DOCK11: variants seen among roughly 807,000 people sequenced by gnomAD.
The protein encoded by DOCK11 is dedicator of cytokinesis 11.
In DOCK11, 70 loss-of-function variants were observed where a neutral mutation model predicts 169.1. That is an observed-to-expected ratio of 0.41 (90% CI 0.34 to 0.51). The LOEUF (loss-of-function observed/expected upper bound fraction) is 0.51. Among genes scored for constraint, DOCK11 ranks in the 20% least tolerant of loss-of-function variants. The pLI is 0.10. For synonymous variants in DOCK11, 529 were observed against 541.3 expected, an observed-to-expected ratio of 0.98 and a Z score of 0.32; for missense variants, 1,166 against 1,538.8, an observed-to-expected ratio of 0.76 and a Z score of 4.05.
chrX:118,643,640 A>G, intron 40 of DOCK11, 46 bp downstream of exon 40: 1 of 1,187,379 alleles, frequency 8.4e-7, no homozygotes, highest in Non-Finnish European at 1.1e-6. Flanking sequence ...TCTTCATTGC[A>G]AAAAGGAAAG....
intron 14 of DOCK11, among the ~76,000 whole-genome samples, chrX:118,581,239 CTTTT>C (rs2147405676): frequency 9.0e-6 from 1 of 111,005 alleles, no homozygotes; most frequent in South Asian, 3.8e-4. Flanking sequence ...TTAATTAACT[CTTTT>C]ATTTGTCACT....
At chrX:118,662,430 A>C (rs1467481390) in intron 44 of DOCK11, among the ~76,000 whole-genome samples, 2 of 112,533 alleles carry the variant, frequency 1.8e-5, no homozygotes, top group African/African-American at 6.5e-5. Context: ...TATCCTAGCC[A>C]TTGAAGATGA....
intron 6 of DOCK11, 94 bp from the exon 7 acceptor site, chrX:118,561,289 G>C (rs1241619315): frequency 1.1e-6 from 1 of 883,675 alleles, no homozygotes; most frequent in Non-Finnish European, 1.5e-6. Context: ...AGGCACAATT[G>C]CCTGGCAAGC....
rs1439441148 is a variant in DOCK11, at chrX:118,544,644, G to GTT, written c.393-679_393-678insTT. On this transcript the variant is annotated intron_variant, in intron 4 of 52. Coordinates refer to ENST00000276202, the MANE Select transcript of DOCK11 (RefSeq NM_144658.4). ...ATGCAAGAGCCAGAATTACACTGTTGCTTTTTTTTTTTTTTTTTTTTTTTT... is the reference window on the plus strand; with the variant it reads ...ATGCAAGAGCCAGAATTACACTGTTGTTCTTTTTTTTTTTTTTTTTTTTTTTT... 9.0e-4 allele frequency among the ~76,000 whole-genome samples: 41 copies of GTT among 45,739 alleles called. 1 individual carries two copies. The South Asian group carries it at 0.017, about 18-fold the overall frequency. 39.7% of individuals were successfully genotyped at this position (45,739 alleles called of 115,157 possible).
intron 45 of DOCK11, among the ~76,000 whole-genome samples, chrX:118,667,480 G>A (rs1198745010): frequency 1.9e-5 from 2 of 106,567 alleles, no homozygotes; most frequent in Non-Finnish European, 3.9e-5. Flanking sequence ...CTTTTGTCAC[G>A]TTGAATTTAC....
chrX:118,571,673 G>T (rs1466412465), intron 10 of DOCK11, among the ~76,000 whole-genome samples: 1 of 111,965 alleles, frequency 8.9e-6, no homozygotes, highest in African/African-American at 3.2e-5. Flanking sequence ...GCTCAAAAAC[G>T]AAACCAAATT....
chrX:118,657,548 C>T (rs760285863), intron 44 of DOCK11, among the ~76,000 whole-genome samples: 1 of 111,797 alleles, frequency 8.9e-6, no homozygotes, highest in Admixed American at 9.5e-5. Flanking sequence ...AATTAGAAAA[C>T]CTTATTCTAA....
intron 40 of DOCK11, among the ~76,000 whole-genome samples, chrX:118,646,525 C>T (rs1178917985): frequency 1.8e-5 from 2 of 111,113 alleles, no homozygotes; most frequent in African/African-American, 3.3e-5. Context: ...ATGACGTATA[C>T]GGAGTAGTCA....
At chrX:118,542,684 T>G (rs766538197) in intron 1 of DOCK11, 41 bp from the exon 2 acceptor site, 2 of 975,084 alleles carry the variant, frequency 2.1e-6, no homozygotes, top group Non-Finnish European at 2.9e-6. Flanking sequence ...TTAACTCTTG[T>G]GAGTTTGATC....
chrX:118,599,251 C>T (rs753302105), intron 23 of DOCK11, 23 bp downstream of exon 23: 1 of 1,104,091 alleles, frequency 9.1e-7, no homozygotes, highest in Non-Finnish European at 1.2e-6. Flanking sequence ...CAGCTTTCTG[C>T]AAAACGTTTG....
chrX:118,663,430 A>G (rs2016265855), intron 45 of DOCK11, among the ~76,000 whole-genome samples: 1 of 111,729 alleles, frequency 9.0e-6, no homozygotes, highest in African/African-American at 3.3e-5. Flanking sequence ...TAAAGGAAGT[A>G]TGATCAGAGA....
intron 4 of DOCK11, among the ~76,000 whole-genome samples, chrX:118,544,334 A>T (rs184717320): frequency 3.6e-5 from 4 of 111,613 alleles, no homozygotes; most frequent in African/African-American, 1.3e-4. Context: ...TCTTATTTCT[A>T]CCACTTACTA....
intron 12 of DOCK11, 71 bp downstream of exon 12, chrX:118,574,089 G>A (rs749565274): frequency 2.0e-6 from 2 of 1,012,092 alleles, no homozygotes; most frequent in African/African-American, 3.8e-5. Flanking sequence ...ATTATTTCAT[G>A]GTTTCAGGCC....
chrX:118,508,209 G>C (rs1025569444), intron 1 of DOCK11, among the ~76,000 whole-genome samples: 2 of 111,515 alleles, frequency 1.8e-5, no homozygotes, highest in African/African-American at 6.5e-5. Flanking sequence ...TAACTATATG[G>C]AAAAAAATAT....
rs973942651 is a variant in DOCK11, at chrX:118,495,905, C to T, written c.-67C>T. On this transcript the variant is annotated 5_prime_UTR_variant, in exon 1 of 53. Coordinates refer to ENST00000276202, the MANE Select transcript of DOCK11 (RefSeq NM_144658.4). Reference sequence around the variant, plus strand: ...AGCAGCGGCCGCGGCCGCCGCGGGCCGGGGCAGTGAGTCCACCCGCCCGCC... The same window carrying T: ...AGCAGCGGCCGCGGCCGCCGCGGGCTGGGGCAGTGAGTCCACCCGCCCGCC... 4 of 707,410 alleles carry T rather than the reference C, an allele frequency of 5.7e-6. No homozygotes were observed. The highest frequency in any genetic ancestry group is 6.4e-5 in the East Asian group (1 of 15,570). The allele number at this position is 707,410 out of a possible 1,213,427, so 58.3% of individuals were successfully genotyped here.
chrX:118,580,305 T>A, intron 14 of DOCK11, 126 bp downstream of exon 14: 1 of 479,099 alleles, frequency 2.1e-6, no homozygotes, highest in Non-Finnish European at 3.3e-6. Context: ...ACTTGGGATG[T>A]AATAATTATT....
intron 46 of DOCK11, among the ~76,000 whole-genome samples, chrX:118,672,558 G>A (rs1486976519): frequency 8.9e-6 from 1 of 112,613 alleles, no homozygotes; most frequent in African/African-American, 3.2e-5. Flanking sequence ...TCAGCCTCCT[G>A]AGTAGCTGGG....
intron 1 of DOCK11, among the ~76,000 whole-genome samples, chrX:118,528,251 G>T (rs886957446): frequency 1.8e-5 from 2 of 112,332 alleles, no homozygotes; most frequent in Non-Finnish European, 3.8e-5. Flanking sequence ...GAATGAAGCC[G>T]CCCCACCCCT....
At chrX:118,576,028 C>T (rs780636791) in intron 12 of DOCK11, among the ~76,000 whole-genome samples, 15 of 112,257 alleles carry the variant, frequency 1.3e-4, no homozygotes, top group African/African-American at 3.2e-4. Context: ...TGACAGATGG[C>T]GAAACTGAAG....
Sources: gnomAD v4.1 joint callset for allele counts (sites outside exome capture counted in the v4.1 genomes callset) on GRCh38, gnomAD v4.1.1 for gene constraint, MANE v1.5 for transcripts, NCBI Gene and HGNC (gene_info 2026-07-23, HGNC 2026-07-21) for gene names.